GALNTL5: variants seen among roughly 807,000 people sequenced by gnomAD.
The protein encoded by GALNTL5 is inactive polypeptide N-acetylgalactosaminyltransferase-like protein 5.
Under a neutral mutation model 51.0 loss-of-function variants are expected in GALNTL5, and 44 were observed. The ratio of observed to expected loss-of-function variants is 0.86; its 90% CI spans 0.68 to 1.11. GALNTL5 has a LOEUF of 1.11. Ranked by LOEUF, GALNTL5 falls within the 50% of genes least tolerant of loss-of-function variation. GALNTL5 has a pLI of 0.00. For missense variants in GALNTL5, 528 were observed against 531.8 expected, an observed-to-expected ratio of 0.99 and a Z score of 0.07; for synonymous variants, 192 against 182.8, an observed-to-expected ratio of 1.05 and a Z score of -0.41.
intron 3 of GALNTL5, among the ~76,000 whole-genome samples, chr7:151,980,912 A>C (rs1429189768): frequency 6.7e-6 from 1 of 149,974 alleles, no homozygotes; most frequent in Non-Finnish European, 1.5e-5. Context: ...CGCCCGGCTA[A>C]ATTTTTGTAT....
intron 7 of GALNTL5, among the ~76,000 whole-genome samples, chr7:152,008,461 A>G (rs10229388): frequency 0.27 from 41,667 of 151,582 alleles, 6,738 homozygotes; most frequent in Non-Finnish European, 0.37. Flanking sequence ...TTTCTGATGT[A>G]TGGTATATCA....
At chr7:151,976,070 G>A (rs1237149102) in intron 3 of GALNTL5, among the ~76,000 whole-genome samples, 1 of 152,126 alleles carries the variant, frequency 6.6e-6, no homozygotes, top group African/African-American at 2.4e-5. Flanking sequence ...GCTCATGTGT[G>A]TCTGTTAGGT....
intron 5 of GALNTL5, among the ~76,000 whole-genome samples, chr7:151,998,927 G>A (rs919351557): frequency 5.9e-5 from 9 of 151,892 alleles, no homozygotes; most frequent in Admixed American, 5.2e-4. Context: ...ACATAAAACT[G>A]ATCATTTAAA....
chr7:151,958,895 AG>A (rs1435916543), intron 1 of GALNTL5, among the ~76,000 whole-genome samples: 1 of 152,132 alleles, frequency 6.6e-6, no homozygotes, highest in African/African-American at 2.4e-5. Flanking sequence ...TCTGTGTGAG[AG>A]GGGGCTCAAA....
chr7:151,970,794 C>T (rs1162840286), intron 2 of GALNTL5, 151 bp from the exon 3 acceptor site: 7 of 551,048 alleles, frequency 1.3e-5, no homozygotes, highest in Non-Finnish European at 2.2e-5. Flanking sequence ...CCACCTTTGC[C>T]AAGAATTATT....
At chr7:151,985,267 C>A (rs1432803138) in intron 4 of GALNTL5, among the ~76,000 whole-genome samples, 1 of 152,170 alleles carries the variant, frequency 6.6e-6, no homozygotes, top group African/African-American at 2.4e-5. Context: ...ACATTCATCA[C>A]ACATTGTGGT....
chr7:151,977,244 A>G (rs551025503), intron 3 of GALNTL5, among the ~76,000 whole-genome samples: 20 of 152,372 alleles, frequency 1.3e-4, no homozygotes, highest in Admixed American at 5.9e-4. Flanking sequence ...TAGTCAAATT[A>G]AGAAATAAAC....
intron 5 of GALNTL5, among the ~76,000 whole-genome samples, chr7:152,001,150 T>C (rs937451458): frequency 5.9e-5 from 9 of 151,632 alleles, no homozygotes; most frequent in Non-Finnish European, 1.2e-4. Context: ...TGACCTCAGG[T>C]GATCCACCCC....
At chr7:151,991,053 T>C (rs1374755881) in intron 5 of GALNTL5, among the ~76,000 whole-genome samples, 1 of 152,162 alleles carries the variant, frequency 6.6e-6, no homozygotes, top group Non-Finnish European at 1.5e-5. Flanking sequence ...AAATTCTTCC[T>C]TACCCTGCGA....
At position 151,971,059 on chromosome 7, in the gene GALNTL5, G is replaced by T. The variant is rs371662140; in HGVS notation, c.362G>T (p.Ser121Ile). The T allele has an allele frequency of 5.6e-6, 9 of 1,608,070 alleles. No homozygotes were observed. The highest frequency in any genetic ancestry group is 7.7e-6 in the Non-Finnish European group (9 of 1,175,448). ...GAAAGAGAAGTGCCAGATACCAGGA[G>T]TAAAATGTATGTTGTCTCTCTCTTT... ...GIEREVPDTR[S>I]KMCLQKHYPA... Residue 121 changes from serine (S) to isoleucine (I), a missense_variant, in exon 3 of 9, where the codon AGT (serine) becomes ATT (isoleucine). Transcript: ENST00000392800.
intron 3 of GALNTL5, among the ~76,000 whole-genome samples, chr7:151,979,276 ATTTTTT>A (rs10681163): frequency 7.6e-6 from 1 of 131,446 alleles, no homozygotes. Flanking sequence ...CGCCCAGCTA[ATTTTTT>A]TTTTTTTTTT....
chr7:151,982,242 G>C (rs1166259705), intron 3 of GALNTL5, among the ~76,000 whole-genome samples: 1 of 151,854 alleles, frequency 6.6e-6, no homozygotes, highest in African/African-American at 2.4e-5. Context: ...GTGAAACACT[G>C]TCTCTACTAA....
At chr7:152,018,167 C>CT (rs1037879256) in intron 8 of GALNTL5, among the ~76,000 whole-genome samples, 71 of 152,290 alleles carry the variant, frequency 4.7e-4, no homozygotes, top group African/African-American at 1.6e-3. Context: ...TATTGACATA[C>CT]TTTTTTGTGC....
At chr7:151,982,953 G>T in intron 3 of GALNTL5, 33 bp from the exon 4 acceptor site, 2 of 1,613,768 alleles carry the variant, frequency 1.2e-6, no homozygotes, top group Non-Finnish European at 1.7e-6. Flanking sequence ...GCATTTAGAT[G>T]GATGGTTTTC....
intron 8 of GALNTL5, among the ~76,000 whole-genome samples, chr7:152,018,019 TA>T (rs1348160623): frequency 6.6e-6 from 1 of 152,150 alleles, no homozygotes; most frequent in Non-Finnish European, 1.5e-5. Context: ...TCATTTTTTA[TA>T]TTTTTAACAG....
At chr7:152,017,842 T>C (rs1281061766) in intron 8 of GALNTL5, among the ~76,000 whole-genome samples, 2 of 152,004 alleles carry the variant, frequency 1.3e-5, no homozygotes, top group Non-Finnish European at 2.9e-5. Flanking sequence ...AAATGAGAAT[T>C]CTTTTTTTTT....
chr7:152,016,260 C>T (rs191037539), intron 8 of GALNTL5, among the ~76,000 whole-genome samples: 2 of 152,088 alleles, frequency 1.3e-5, no homozygotes, highest in East Asian at 1.9e-4. Flanking sequence ...CAAAATTAGC[C>T]GGGCATCATG....
At position 152,002,957 on chromosome 7, in the gene GALNTL5, C is replaced by A; in HGVS notation, c.902C>A (p.Pro301Gln). The A allele has an allele frequency of 6.2e-7, 1 of 1,612,806 alleles. No homozygotes were observed. Among genetic ancestry groups the A allele is most frequent in the South Asian group, 1.1e-5 (1 of 91,038 alleles). ...GATGGACCAGAAGGATCTACTAAAC[C>A]AATCCGGTGAGATTTCTTCTGGTTT... Reference protein sequence around the residue: ...EMDGPEGSTKPIRSPAMSGGI... With the variant: ...EMDGPEGSTKQIRSPAMSGGI... Residue 301 changes from proline to glutamine, a missense_variant, in exon 6 of 9, where the codon CCA becomes CAA. Pro to Gln is a moderately conservative substitution (Grantham distance 76). Coordinates refer to ENST00000392800, the MANE Select transcript of GALNTL5 (RefSeq NM_145292.4).
intron 2 of GALNTL5, 42 bp from the exon 3 acceptor site, chr7:151,970,903 G>C (rs764112142): frequency 1.3e-6 from 2 of 1,522,996 alleles, no homozygotes; most frequent in Non-Finnish European, 1.8e-6. Flanking sequence ...ATCACTGCTA[G>C]TAAGCCTTTA....
Sources: allele counts gnomAD v4.1 joint callset (sites outside exome capture counted in the v4.1 genomes callset), GRCh38; gene constraint gnomAD v4.1.1; transcripts MANE v1.5; gene names NCBI Gene and HGNC (gene_info 2026-07-23, HGNC 2026-07-21).